TEAD1: variants seen among roughly 807,000 people sequenced by gnomAD.
The protein encoded by TEAD1 is transcriptional enhancer factor TEF-1.
Under a neutral mutation model 54.9 loss-of-function variants are expected in TEAD1, and 9 were observed. The ratio of observed to expected loss-of-function variants is 0.16; its 90% CI spans 0.10 to 0.29. TEAD1 has a LOEUF of 0.29. Ranked by LOEUF, TEAD1 falls within the 10% of genes least tolerant of loss-of-function variation. TEAD1 has a pLI of 1.00. For missense variants in TEAD1, 387 were observed against 535.9 expected (o/e 0.72, Z 2.74); for synonymous variants, 200 against 187.8 (o/e 1.07, Z -0.53).
At chr11:12,732,820 T>C (rs1054279857) in intron 2 of TEAD1, among the ~76,000 whole-genome samples, 4 of 152,202 alleles carry the variant, frequency 2.6e-5, no homozygotes, top group African/African-American at 9.6e-5. Flanking sequence ...TTGTGTTGAA[T>C]AGTGATTGCA....
intron 12 of TEAD1, among the ~76,000 whole-genome samples, chr11:12,936,187 T>C (rs920885131): frequency 6.6e-6 from 1 of 152,148 alleles, no homozygotes; most frequent in Admixed American, 6.5e-5. Flanking sequence ...CTTCTGAGAA[T>C]AGCATGGGGA....
chr11:12,750,534 T>G (rs1478961592), intron 2 of TEAD1, among the ~76,000 whole-genome samples: 1 of 152,058 alleles, frequency 6.6e-6, no homozygotes, highest in Non-Finnish European at 1.5e-5. Flanking sequence ...TTCTTCACCC[T>G]TTATCTTCCC....
intron 10 of TEAD1, among the ~76,000 whole-genome samples, chr11:12,915,694 C>G (rs751358028): frequency 6.6e-6 from 1 of 152,052 alleles, no homozygotes; most frequent in Non-Finnish European, 1.5e-5. Flanking sequence ...CTAAAAAATA[C>G]AAAAATTAGT....
At chr11:12,851,381 C>A (rs1947270492) in intron 3 of TEAD1, among the ~76,000 whole-genome samples, 2 of 152,184 alleles carry the variant, frequency 1.3e-5, no homozygotes, top group Admixed American at 1.3e-4. Flanking sequence ...TCGTCACACA[C>A]AAAAAATTAC....
chr11:12,736,668 A>T (rs1315483918), intron 2 of TEAD1, among the ~76,000 whole-genome samples: 1 of 152,192 alleles, frequency 6.6e-6, no homozygotes, highest in Non-Finnish European at 1.5e-5. Context: ...TAATGGCCTT[A>T]TGGAGTGCAG....
chr11:12,738,073 T>G (rs988551015), intron 2 of TEAD1, among the ~76,000 whole-genome samples: 1 of 152,132 alleles, frequency 6.6e-6, no homozygotes, highest in African/African-American at 2.4e-5. Flanking sequence ...ATTGCCCCCA[T>G]GATTCACTTA....
intron 3 of TEAD1, among the ~76,000 whole-genome samples, chr11:12,858,323 A>G (rs759986177): frequency 6.6e-6 from 1 of 152,236 alleles, no homozygotes; most frequent in Non-Finnish European, 1.5e-5. Context: ...TAGTAGAATT[A>G]GAGCCATAGT....
intron 2 of TEAD1, among the ~76,000 whole-genome samples, chr11:12,713,509 G>A (rs1219352225): frequency 6.6e-6 from 1 of 152,170 alleles, no homozygotes; most frequent in African/African-American, 2.4e-5. Flanking sequence ...GATATTAAAA[G>A]TAGGACTTCT....
intron 7 of TEAD1, among the ~76,000 whole-genome samples, chr11:12,881,436 C>T (rs1000453304): frequency 4.6e-5 from 7 of 152,150 alleles, no homozygotes; most frequent in Admixed American, 4.6e-4. Flanking sequence ...GTAGACAAAT[C>T]CTACTGATGC....
chr11:12,931,090 A>C (rs1477097364), intron 12 of TEAD1, among the ~76,000 whole-genome samples: 2 of 152,170 alleles, frequency 1.3e-5, no homozygotes, highest in African/African-American at 2.4e-5. Context: ...ACATAGTGAC[A>C]CCCTATCTCA....
chr11:12,708,715 GA>G (rs1943870328), intron 2 of TEAD1, among the ~76,000 whole-genome samples: 1 of 152,152 alleles, frequency 6.6e-6, no homozygotes, highest in Non-Finnish European at 1.5e-5. Flanking sequence ...ATTAAAAAAG[GA>G]AAAGTTACAT....
intron 2 of TEAD1, among the ~76,000 whole-genome samples, chr11:12,688,040 C>T (rs1943370123): frequency 6.6e-6 from 1 of 152,208 alleles, no homozygotes; most frequent in Admixed American, 6.5e-5. Flanking sequence ...TAGCCCCCTC[C>T]ATCACCCTGT....
At chr11:12,724,653 T>C (rs1485090065) in intron 2 of TEAD1, among the ~76,000 whole-genome samples, 1 of 152,224 alleles carries the variant, frequency 6.6e-6, no homozygotes, top group East Asian at 1.9e-4. Context: ...TTTGAAACAC[T>C]GCAGGGGAAA....
chr11:12,729,245 C>T (rs1169155265), intron 2 of TEAD1, among the ~76,000 whole-genome samples: 1 of 152,218 alleles, frequency 6.6e-6, no homozygotes, highest in African/African-American at 2.4e-5. Flanking sequence ...GGACGAGATT[C>T]CCCAGGCCTC....
intron 5 of TEAD1, among the ~76,000 whole-genome samples, chr11:12,872,015 G>T (rs564300775): frequency 6.6e-6 from 1 of 152,094 alleles, no homozygotes; most frequent in African/African-American, 2.4e-5. Context: ...TCTTGTTCTC[G>T]CCCTGGTGGC....
intron 3 of TEAD1, among the ~76,000 whole-genome samples, chr11:12,850,357 AC>A (rs2134049664): frequency 6.6e-6 from 1 of 152,026 alleles, no homozygotes; most frequent in Admixed American, 6.6e-5. Flanking sequence ...AACAGCTTGA[AC>A]CCGGGAGGCG....
chr11:12,746,173 A>G (rs915062274), intron 2 of TEAD1, among the ~76,000 whole-genome samples: 1 of 152,250 alleles, frequency 6.6e-6, no homozygotes, highest in African/African-American at 2.4e-5. Flanking sequence ...AGCTAGCAGC[A>G]TTCTTGCACG....
At chr11:12,683,621 T>A (rs1480567943) in intron 2 of TEAD1, among the ~76,000 whole-genome samples, 1 of 151,806 alleles carries the variant, frequency 6.6e-6, no homozygotes, top group African/African-American at 2.4e-5. Context: ...GGGGGGTGAG[T>A]TGGGAGTAGG....
chr11:12,756,746 C>G (rs1944989782), intron 2 of TEAD1, among the ~76,000 whole-genome samples: 1 of 152,158 alleles, frequency 6.6e-6, no homozygotes, highest in Non-Finnish European at 1.5e-5. Context: ...TAGATTGAAT[C>G]TCTGTTAAGT....
Sources: allele counts gnomAD v4.1 joint callset (sites outside exome capture counted in the v4.1 genomes callset), GRCh38; gene constraint gnomAD v4.1.1; transcripts MANE v1.5; gene names NCBI Gene and HGNC (gene_info 2026-07-23, HGNC 2026-07-21).